The following ADGRL1 variants were observed in gnomAD, a reference collection of about 807,000 sequenced individuals.
The protein encoded by ADGRL1 is adhesion G protein-coupled receptor L1, also known as CIRL-1.
A neutral mutation model predicts 148.9 loss-of-function variants in ADGRL1; 31 were observed. The ratio of observed to expected loss-of-function variants is 0.21; its 90% CI spans 0.16 to 0.28. ADGRL1 has a LOEUF of 0.28. Among genes scored for constraint, ADGRL1 ranks in the 10% least tolerant of loss-of-function variants. ADGRL1 has a pLI of 1.00. For synonymous variants in ADGRL1, 937 were observed against 900.3 expected (o/e 1.04, Z -0.73); for missense variants, 1,521 against 2,058.8 (o/e 0.74, Z 5.05).
At chr19:14,199,546 T>C (rs1972471440) in intron 1 of ADGRL1, among the ~76,000 whole-genome samples, 1 of 151,866 alleles carries the variant, frequency 6.6e-6, no homozygotes, top group East Asian at 1.9e-4. Context: ...TGCCTCAGCC[T>C]CCCAAGTAGC....
chr19:14,156,745 G>A (rs367762598), intron 15 of ADGRL1, 21 bp from the exon 16 acceptor site: 20 of 1,602,552 alleles, frequency 1.2e-5, no homozygotes, highest in Admixed American at 1.7e-5. Flanking sequence ...AACAGGGCCG[G>A]GGTATAGAGA....
At chr19:14,184,655 T>TTTC (rs59222371) in intron 1 of ADGRL1, among the ~76,000 whole-genome samples, 1 of 148,262 alleles carries the variant, frequency 6.7e-6, no homozygotes, top group Non-Finnish European at 1.5e-5. Flanking sequence ...TATTTTTTTT[T>TTTC]CTGAGACGGA....
chr19:14,197,208 G>A (rs557423819), intron 1 of ADGRL1, among the ~76,000 whole-genome samples: 2 of 152,116 alleles, frequency 1.3e-5, no homozygotes, highest in South Asian at 4.2e-4. Flanking sequence ...AAAAGTCAAG[G>A]CTGCAGTGAG....
intron 1 of ADGRL1, among the ~76,000 whole-genome samples, chr19:14,191,945 G>A (rs1164006329): frequency 6.6e-6 from 1 of 152,046 alleles, no homozygotes; most frequent in Non-Finnish European, 1.5e-5. Flanking sequence ...CGATCTTCCT[G>A]CCTTGGCCTC....
chr19:14,196,605 G>T (rs1972280666), intron 1 of ADGRL1, among the ~76,000 whole-genome samples: 1 of 152,086 alleles, frequency 6.6e-6, no homozygotes, highest in Admixed American at 6.6e-5. Context: ...GGGCAACAGA[G>T]CAAGACCCCA....
chr19:14,162,672 A>G lies in ADGRL1; in HGVS notation c.1129T>C (p.Tyr377His), dbSNP rs1249962832. 7 of 1,612,966 alleles carry G rather than the reference A, an allele frequency of 4.3e-6. No homozygotes were observed. The highest frequency in any genetic ancestry group is 5.9e-6 in the Non-Finnish European group (7 of 1,179,172). The change falls in exon 5 of 23, where the codon TAC (tyrosine) becomes CAC (histidine). Residue 377 changes from tyrosine (Y) to histidine (H), a missense_variant. Tyr to His is a moderately conservative substitution (Grantham distance 83). Coordinates refer to ENST00000361434, the MANE Select transcript of ADGRL1 (RefSeq NM_014921.5). The surrounding 1 kb of genome is among the most constrained non-coding windows in gnomAD (Gnocchi z 5.4). ...VDYNPRDNQLYVWNNYFVVRY... is the reference protein window; with the variant it reads ...VDYNPRDNQLHVWNNYFVVRY... ...ACCACGAAATAGTTGTTCCAGACGT[A>G]CAGCTGGTTGTCGCGAGGGTTGTAG...
At chr19:14,166,059 A>G (rs1969928478) in intron 4 of ADGRL1, among the ~76,000 whole-genome samples, 2 of 152,104 alleles carry the variant, frequency 1.3e-5, no homozygotes, top group South Asian at 4.1e-4. Flanking sequence ...GTTCTCTGCT[A>G]GAAATTACGG....
rs1202377895 is a variant in ADGRL1 at position 14,162,746 on chromosome 19, G to C, written c.1055C>G (p.Pro352Arg). 1 of 1,614,240 alleles carries C rather than the reference G, an allele frequency of 6.2e-7. No homozygotes were observed. Among genetic ancestry groups the C allele is most frequent in the East Asian group, 2.2e-5 (1 of 44,888 alleles). The part of the protein sequence containing the change: ...AFNTNANREE[P>R]VSLTFPNPYQ... Reference sequence around the variant, plus strand: ...GGGGTTGGGGAAGGTGAGGCTGACAGGCTCCTCGCGGTTGGCATTGGTGTT... The same window carrying C: ...GGGGTTGGGGAAGGTGAGGCTGACACGCTCCTCGCGGTTGGCATTGGTGTT... Residue 352 changes from proline (P) to arginine (R), a missense_variant, in exon 5 of 23, where the codon CCT (proline) becomes CGT (arginine). By Grantham distance (103) the Pro-to-Arg change is moderately radical. Around this residue, in one of 8 missense-constraint regions of ADGRL1, gnomAD observed 270 missense variants for 320.4 expected, o/e 0.84. Transcript: ENST00000361434. The surrounding 1 kb of genome is among the most constrained non-coding windows in gnomAD (Gnocchi z 5.4).
chr19:14,170,894 G>A (rs1227084434), intron 3 of ADGRL1, 103 bp from the exon 4 acceptor site: 2 of 653,024 alleles, frequency 3.1e-6, no homozygotes, highest in Admixed American at 2.3e-5. Flanking sequence ...CCCCCAAATT[G>A]GGAAGGGGCA....
Position 14,156,624 on chromosome 19 carries a change from G to A in ADGRL1, c.3033+34C>T, listed in dbSNP as rs200340154. On this transcript the variant is annotated intron_variant, in intron 16 of 22. Transcript: ENST00000361434. Reference sequence around the variant, plus strand: ...GTCAAGGCCAGCCTGGATGAAGGAAGATGTGGTGCTAGGGGTGTCACCTCC... The same window carrying A: ...GTCAAGGCCAGCCTGGATGAAGGAAAATGTGGTGCTAGGGGTGTCACCTCC... 88 of 1,581,612 alleles carry A rather than the reference G, an allele frequency of 5.6e-5. No individual in the cohort carries two copies. In the African/African-American group the frequency reaches 9.5e-4, roughly 17 times the overall value.
chr19:14,191,459 C>A (rs1442614357), intron 1 of ADGRL1: 1 of 456,532 alleles, frequency 2.2e-6, no homozygotes, highest in African/African-American at 2.0e-5. Context: ...GGTGAAGCAT[C>A]CCTTGTCCCC....
chr19:14,197,186 C>A (rs1353220363), intron 1 of ADGRL1, among the ~76,000 whole-genome samples: 1 of 152,028 alleles, frequency 6.6e-6, no homozygotes, highest in Non-Finnish European at 1.5e-5. Flanking sequence ...GCAGCAGGGT[C>A]ATTCAAGCCC....
chr19:14,152,658 C>T lies in ADGRL1; in HGVS notation c.3424-45G>A, dbSNP rs758889200. On this transcript the variant is annotated intron_variant, in intron 19 of 22. Transcript: ENST00000361434. The surrounding 1 kb of genome is among the most constrained non-coding windows in gnomAD (Gnocchi z 6.1). ...GTGAGGGGATCCTTGGGCCACCCAC[C>T]CTCTGGCGTCTTTCTGAGACTGCTC... 5.6e-6 allele frequency: 9 copies of T among 1,602,782 alleles called. No individual in the cohort carries two copies. Among genetic ancestry groups the T allele is most frequent in the Non-Finnish European group, 7.7e-6 (9 of 1,170,498 alleles).
chr19:14,163,498 G>GAGAGAGA lies in ADGRL1; in HGVS notation c.395-93_395-92insTCTCTCT, dbSNP rs1491250499. ...AGAGAGAGAGAGAGAGAGAGAGAGA[G>GAGAGAGA]GGGGGAGAGAGGCAAGTTGGTCACG... On this transcript the variant is annotated intron_variant, in intron 4 of 22. Transcript: ENST00000361434. 17 of 948,722 alleles carry GAGAGAGA rather than the reference G, an allele frequency of 1.8e-5. No homozygotes were observed. The African/African-American group carries it at 1.9e-4, about 11-fold the overall frequency. The allele number at this position is 948,722 out of a possible 1,614,324, so 58.8% of individuals were successfully genotyped here.
chr19:14,193,177 G>A (rs946104959), intron 1 of ADGRL1, among the ~76,000 whole-genome samples: 3 of 151,638 alleles, frequency 2.0e-5, no homozygotes, highest in African/African-American at 4.9e-5. Context: ...CCTCAGCTTG[G>A]CAGGTGGTGG....
chr19:14,151,706 G>T (rs1968218027), intron 22 of ADGRL1, 91 bp from the exon 23 acceptor site: 2 of 1,276,948 alleles, frequency 1.6e-6, no homozygotes, highest in Non-Finnish European at 2.2e-6. Flanking sequence ...GGAGAAGTGG[G>T]CTTGATTCCT....
chr19:14,175,807 T>C (rs1199180251), intron 3 of ADGRL1, among the ~76,000 whole-genome samples: 1 of 151,762 alleles, frequency 6.6e-6, no homozygotes, highest in Non-Finnish European at 1.5e-5. Context: ...TCCCAGCACT[T>C]AAGGGGGCCA....
intron 2 of ADGRL1, among the ~76,000 whole-genome samples, chr19:14,180,645 G>A (rs1224077499): frequency 1.3e-5 from 2 of 151,898 alleles, no homozygotes; most frequent in Non-Finnish European, 2.9e-5. Flanking sequence ...AAACTCCTGG[G>A]CTCAGGGGAT....
chr19:14,158,362 G>A lies in ADGRL1; in HGVS notation c.2340C>T (p.Val780=), dbSNP rs1968985042. ...ESSRVFLMDP[V]IFTVAHLEDK... ...CCTCCAGGTGGGCCACGGTGAAGATGACAGGGTCCATGAGGAAGACGCGGC... is the reference window on the plus strand; with the variant it reads ...CCTCCAGGTGGGCCACGGTGAAGATAACAGGGTCCATGAGGAAGACGCGGC... Residue 780 remains valine (V), a synonymous_variant, in exon 12 of 23, where the codon GTC becomes GTT. Transcript: ENST00000361434. The A allele has an allele frequency of 1.9e-6, 3 of 1,613,748 alleles. No individual in the cohort carries two copies. The highest frequency in any genetic ancestry group is 2.5e-6 in the Non-Finnish European group (3 of 1,180,018).
Sources: gnomAD v4.1 joint callset for allele counts (sites outside exome capture counted in the v4.1 genomes callset) on GRCh38, gnomAD v4.1.1 for gene constraint, gnomAD v4.1.1 regional missense constraint, Gnocchi (gnomAD v3.1) non-coding constraint, MANE v1.5 for transcripts, NCBI Gene and HGNC (gene_info 2026-07-23, HGNC 2026-07-21) for gene names.